PPAT: variants seen among roughly 807,000 people sequenced by gnomAD.
PPAT encodes phosphoribosyl pyrophosphate amidotransferase, also known as amidophosphoribosyltransferase.
PPAT carries 20 observed loss-of-function variants against 60.2 expected under a neutral mutation model. The ratio of observed to expected loss-of-function variants is 0.33; its 90% confidence interval spans 0.23 to 0.48. The LOEUF is 0.48. PPAT is among the 20% of genes least tolerant of loss of function. The pLI, the probability that PPAT is intolerant of heterozygous loss-of-function variation, is 0.99. For missense variants in PPAT, 349 were observed against 629.6 expected (o/e 0.55, Z 4.77); for synonymous variants, 194 against 215.1 (o/e 0.90, Z 0.86).
chr4:56,414,961 T>C (rs1396213545), intron 1 of PPAT, among the ~76,000 whole-genome samples: 2 of 152,244 alleles, frequency 1.3e-5, no homozygotes, highest in Non-Finnish European at 2.9e-5. Context: ...AAAATACAAC[T>C]GTGCCATCTG....
chr4:56,419,397 A>C (rs945808504), intron 1 of PPAT, among the ~76,000 whole-genome samples: 1 of 152,208 alleles, frequency 6.6e-6, no homozygotes, highest in Non-Finnish European at 1.5e-5. Flanking sequence ...AATATGACTA[A>C]AAAAACACAA....
intron 1 of PPAT, chr4:56,408,036 A>G: frequency 4.3e-6 from 1 of 233,054 alleles, no homozygotes; most frequent in Non-Finnish European, 8.6e-6. Context: ...TGAGAGAGAT[A>G]TGACTGTGAT....
chr4:56,399,087 A>G, intron 9 of PPAT, 92 bp downstream of exon 9: 1 of 1,060,154 alleles, frequency 9.4e-7, no homozygotes, highest in East Asian at 2.4e-5. Flanking sequence ...ATTATATTGA[A>G]CATCCATTTT....
intron 1 of PPAT, chr4:56,422,528 T>C (rs1717094374): frequency 6.7e-6 from 1 of 149,340 alleles, no homozygotes; most frequent in African/African-American, 2.5e-5. Flanking sequence ...ACAAAGTATA[T>C]ACATAAAATG....
At position 56,396,552 on chromosome 4, in the gene PPAT, G is replaced by T; in HGVS notation, c.1357+67C>A. 1 of 1,462,934 alleles carries T rather than the reference G, an allele frequency of 6.8e-7. No individual in the cohort carries two copies. The highest frequency in any genetic ancestry group is 9.4e-7 in the Non-Finnish European group (1 of 1,060,746). 90.6% of individuals were successfully genotyped at this position (1,462,934 alleles called of 1,614,324 possible). A position where few individuals can be genotyped will look rare whatever the true frequency, so the allele number is the denominator to read the frequency against. On this transcript the variant is annotated intron_variant, in intron 10 of 10. Coordinates refer to ENST00000264220, the MANE Select transcript of PPAT (RefSeq NM_002703.5). This position sits in a 1 kb window ranked among gnomAD's most constrained non-coding sequence, Gnocchi z 4.6. ...CTGAATACTCCTTTTTACTAAAGGTGTAAAGACTGTCAAGCTTTGGATTTT... is the reference window on the plus strand; with the variant it reads ...CTGAATACTCCTTTTTACTAAAGGTTTAAAGACTGTCAAGCTTTGGATTTT...
intron 3 of PPAT, among the ~76,000 whole-genome samples, chr4:56,405,194 G>C (rs182932707): frequency 4.6e-5 from 7 of 151,990 alleles, no homozygotes; most frequent in Non-Finnish European, 1.0e-4. Context: ...TGTGAACCAA[G>C]AGTTTAAGTA....
chr4:56,403,886 C>T (rs891469492), intron 3 of PPAT: 2 of 304,500 alleles, frequency 6.6e-6, no homozygotes, highest in African/African-American at 2.2e-5. Context: ...CTAGGAGAAT[C>T]TAATGCTGCT....
At chr4:56,406,417 C>A in intron 3 of PPAT, 78 bp downstream of exon 3, 1 of 1,463,778 alleles carries the variant, frequency 6.8e-7, no homozygotes, top group East Asian at 2.3e-5. Flanking sequence ...ATGCCCTTTA[C>A]AAAGATCCTT....
chr4:56,404,058 C>A (rs1417944858), intron 3 of PPAT: 1 of 450,182 alleles, frequency 2.2e-6, no homozygotes, highest in Non-Finnish European at 4.5e-6. Context: ...GTTGGGGACT[C>A]CTGCGCTAAT....
chr4:56,429,353 AAAG>A (rs1261215770), intron 1 of PPAT, among the ~76,000 whole-genome samples: 2 of 152,206 alleles, frequency 1.3e-5, no homozygotes, highest in African/African-American at 4.8e-5. Flanking sequence ...TCAGATGTAA[AAAG>A]AAAAAAATCC....
At chr4:56,431,489 A>G (rs558702458) in intron 1 of PPAT, 26 of 979,114 alleles carry the variant, frequency 2.7e-5, no homozygotes, top group South Asian at 4.7e-5. Flanking sequence ...TCAAAGCGTA[A>G]TAACAGAACC....
Position 56,408,570 on chromosome 4 carries a change from C to T in PPAT, c.129-854G>A, listed in dbSNP as rs374660991. ...GAGATCGAGACCATCCTGGCTAACA[C>T]GGTGAATCCCCGTCTCTACTAAAAA... On this transcript the variant is annotated intron_variant, in intron 1 of 10. Coordinates refer to ENST00000264220, the MANE Select transcript of PPAT (RefSeq NM_002703.5). Among the ~76,000 whole-genome samples the T allele has an allele frequency of 6.6e-5, 10 of 151,338 alleles. No individual in the cohort carries two copies. In the East Asian group the frequency reaches 1.8e-3, roughly 27 times the overall value.
chr4:56,414,275 G>A (rs932283455), intron 1 of PPAT: 2 of 152,198 alleles, frequency 1.3e-5, no homozygotes, highest in African/African-American at 2.4e-5. Context: ...GGAAGAAAAC[G>A]AAAGTGCCTT....
rs200340968 is a variant in PPAT, at chr4:56,406,474, AAAAC to A, written c.402+17_402+20del. On this transcript the variant is annotated intron_variant, in intron 3 of 10. Transcript: ENST00000264220. ...CCTAATCATTTAAAAAGGCCTAGGGAAAACAAACAAACAAACGTACCTTTTTCCT... is the reference window on the plus strand; with the variant it reads ...CCTAATCATTTAAAAAGGCCTAGGGAAAACAAACAAACGTACCTTTTTCCT... 9.5e-4 allele frequency: 1,523 copies of A among 1,596,054 alleles called. 18 individuals are homozygous for A. The African/African-American group carries it at 0.019, about 20-fold the overall frequency.
At chr4:56,414,575 C>T (rs1046435362) in intron 1 of PPAT, among the ~76,000 whole-genome samples, 1 of 152,164 alleles carries the variant, frequency 6.6e-6, no homozygotes, top group African/African-American at 2.4e-5. Flanking sequence ...TCTCCAGAGC[C>T]TCTGCCTACA....
At chr4:56,413,375 G>A (rs777580834) in intron 1 of PPAT, among the ~76,000 whole-genome samples, 5 of 152,016 alleles carry the variant, frequency 3.3e-5, no homozygotes, top group East Asian at 1.9e-4. Flanking sequence ...GGCTGGTCTC[G>A]AAGTCCTGTC....
Position 56,393,807 on chromosome 4 carries a change from G to C in PPAT, c.*1545C>G, listed in dbSNP as rs1250608990. On this transcript the variant is annotated 3_prime_UTR_variant, in exon 11 of 11. Coordinates refer to ENST00000264220, the MANE Select transcript of PPAT (RefSeq NM_002703.5). ...GTCTTGCCTCCTCCATGCTGCCATG[G>C]GGAGTACATTTAAGACAAGAGGCTA... 1 of 152,560 alleles carries C rather than the reference G, an allele frequency of 6.6e-6. No homozygotes were observed. Among genetic ancestry groups the C allele is most frequent in the East Asian group, 1.9e-4 (1 of 5,186 alleles). The allele number at this position is 152,560 out of a possible 1,614,324, so 9.5% of individuals were successfully genotyped here.
rs746387194 is a variant in PPAT at position 56,403,336 on chromosome 4, C to T, written c.468G>A (p.Ala156=). 6.8e-6 allele frequency: 11 copies of T among 1,613,966 alleles called. No homozygotes were observed. Among genetic ancestry groups the T allele is most frequent in the East Asian group, 2.2e-5 (1 of 44,882 alleles). The change falls in exon 4 of 11, where the codon GCG becomes GCA. Residue 156 remains alanine, a synonymous_variant. Coordinates refer to ENST00000264220, the MANE Select transcript of PPAT (RefSeq NM_002703.5). ...SDSEMITQLL[A]YTPPQEQDDT... Reference sequence around the variant, plus strand: ...CATCTTGTTCCTGAGGAGGGGTATACGCCAGTAACTGGGTAATCATTTCAC... The same window carrying T: ...CATCTTGTTCCTGAGGAGGGGTATATGCCAGTAACTGGGTAATCATTTCAC...
chr4:56,422,620 G>A (rs1238676821), intron 1 of PPAT: 1 of 152,000 alleles, frequency 6.6e-6, no homozygotes, highest in African/African-American at 2.4e-5. Flanking sequence ...CCAATGTGAT[G>A]TATTTGGAGA....
Sources: gnomAD v4.1 joint callset for allele counts (sites outside exome capture counted in the v4.1 genomes callset) on GRCh38, gnomAD v4.1.1 for gene constraint, Gnocchi (gnomAD v3.1) non-coding constraint, MANE v1.5 for transcripts, NCBI Gene and HGNC (gene_info 2026-07-23, HGNC 2026-07-21) for gene names.